UNC5D: variants seen among roughly 807,000 people sequenced by gnomAD.
UNC5D encodes the protein netrin receptor UNC5D.
A neutral mutation model predicts 105.4 loss-of-function variants in UNC5D; 39 were observed. The observed-to-expected ratio is 0.37, with a 90% confidence interval of 0.29 to 0.48. The LOEUF is 0.48. Among genes scored for constraint, UNC5D ranks in the 20% least tolerant of loss-of-function variants. The pLI, the probability that UNC5D is intolerant of heterozygous loss-of-function variation, is 0.98. For missense variants in UNC5D, 991 were observed against 1,202.4 expected, an observed-to-expected ratio of 0.82 and a Z score of 2.60; for synonymous variants, 452 against 450.4, an observed-to-expected ratio of 1.00 and a Z score of -0.04.
intron 2 of UNC5D, among the ~76,000 whole-genome samples, chr8:35,566,570 A>G (rs1367163596): frequency 6.6e-6 from 1 of 152,250 alleles, no homozygotes; most frequent in Non-Finnish European, 1.5e-5. Flanking sequence ...ACCTGAGCAT[A>G]GTGCTGGTTT....
intron 4 of UNC5D, among the ~76,000 whole-genome samples, chr8:35,614,598 A>G (rs997810270): frequency 6.6e-6 from 1 of 152,254 alleles, no homozygotes. Flanking sequence ...GTTAAACGCT[A>G]GTAATTAAGG....
intron 1 of UNC5D, among the ~76,000 whole-genome samples, chr8:35,341,446 T>A (rs1432754095): frequency 2.0e-5 from 3 of 151,944 alleles, no homozygotes; most frequent in Non-Finnish European, 4.4e-5. Flanking sequence ...CTTGTTTTTT[T>A]TTTTTCTGTT....
chr8:35,762,114 A>C (rs1185582815), intron 14 of UNC5D, among the ~76,000 whole-genome samples: 1 of 152,148 alleles, frequency 6.6e-6, no homozygotes, highest in Non-Finnish European at 1.5e-5. Flanking sequence ...TATTACAATT[A>C]GTACCAAACC....
chr8:35,637,123 C>A (rs540189857), intron 4 of UNC5D, among the ~76,000 whole-genome samples: 1 of 152,276 alleles, frequency 6.6e-6, no homozygotes, highest in East Asian at 1.9e-4. Context: ...GGTGCAATCA[C>A]CAGTTTCCTA....
intron 9 of UNC5D, among the ~76,000 whole-genome samples, chr8:35,725,671 C>G (rs542939604): frequency 1.7e-3 from 266 of 152,184 alleles, no homozygotes; most frequent in African/African-American, 6.1e-3. Context: ...GCACTGGAAC[C>G]GATGTAGCTT....
rs566433436 is a variant in UNC5D at position 35,724,831 on chromosome 8, G to A, written c.1304-1321G>A. ...TTTGGTCCTGCTTCTTTCCTGGGAA[G>A]ACCATAAACAGGAGCAAAGTGGTCA... On this transcript the variant is annotated intron_variant, in intron 9 of 16. Transcript: ENST00000404895. Among the ~76,000 whole-genome samples, 8 of 152,274 alleles carry A rather than the reference G, an allele frequency of 5.3e-5. No homozygotes were observed. The South Asian group carries it at 1.2e-3, about 24-fold the overall frequency.
chr8:35,281,791 A>G (rs919456926), intron 1 of UNC5D, among the ~76,000 whole-genome samples: 12 of 152,144 alleles, frequency 7.9e-5, no homozygotes, highest in African/African-American at 2.7e-4. Flanking sequence ...TGCCTTTGAT[A>G]CTTCTAAGCA....
chr8:35,368,806 G>T (rs895670424), intron 1 of UNC5D, among the ~76,000 whole-genome samples: 1 of 151,952 alleles, frequency 6.6e-6, no homozygotes, highest in Non-Finnish European at 1.5e-5. Context: ...ACAGTAGAAA[G>T]CTTCCTCTCT....
chr8:35,298,081 C>T (rs1807636515), intron 1 of UNC5D, among the ~76,000 whole-genome samples: 1 of 152,186 alleles, frequency 6.6e-6, no homozygotes, highest in Admixed American at 6.5e-5. Context: ...CCTGCTCACC[C>T]ACAGGGACTT....
chr8:35,249,003 A>ATATATAATATATATTATATATGTT (rs1803473891), intron 1 of UNC5D, among the ~76,000 whole-genome samples: 2 of 74,808 alleles, frequency 2.7e-5, no homozygotes, highest in Non-Finnish European at 4.8e-5. Flanking sequence ...ATATATAAAC[A>ATATATAATATATATTATATATGTT]TATATAATAT....
At chr8:35,273,361 A>G (rs1369997676) in intron 1 of UNC5D, among the ~76,000 whole-genome samples, 2 of 152,212 alleles carry the variant, frequency 1.3e-5, no homozygotes, top group African/African-American at 4.8e-5. Flanking sequence ...ACTGTGAAGA[A>G]ATAGATAGGT....
At chr8:35,461,020 TGAA>T (rs369105233) in intron 1 of UNC5D, among the ~76,000 whole-genome samples, 326 of 152,348 alleles carry the variant, frequency 2.1e-3, no homozygotes, top group African/African-American at 5.9e-3. Context: ...TTTAGGCAAA[TGAA>T]GAAGATTTCA....
At chr8:35,615,100 A>T (rs921197370) in intron 4 of UNC5D, among the ~76,000 whole-genome samples, 2 of 139,478 alleles carry the variant, frequency 1.4e-5, no homozygotes, top group African/African-American at 5.5e-5. Context: ...ATTAGCTGGC[A>T]TGGTGGCGCA....
At chr8:35,533,078 C>T (rs981003121) in intron 1 of UNC5D, among the ~76,000 whole-genome samples, 2 of 151,270 alleles carry the variant, frequency 1.3e-5, no homozygotes, top group African/African-American at 2.4e-5. Context: ...AGCTTTGTTC[C>T]GTTGCTGGTG....
intron 1 of UNC5D, among the ~76,000 whole-genome samples, chr8:35,388,097 G>T (rs1450847481): frequency 6.6e-6 from 1 of 151,976 alleles, no homozygotes; most frequent in Non-Finnish European, 1.5e-5. Flanking sequence ...GTCTTGGTGG[G>T]GTGCGGTGGC....
intron 1 of UNC5D, among the ~76,000 whole-genome samples, chr8:35,315,281 G>T (rs1809202355): frequency 6.6e-6 from 1 of 152,140 alleles, no homozygotes; most frequent in South Asian, 2.1e-4. Context: ...TTGCTCTTGA[G>T]TCTAGGAATC....
chr8:35,321,478 G>A (rs1809737251), intron 1 of UNC5D, among the ~76,000 whole-genome samples: 1 of 152,138 alleles, frequency 6.6e-6, no homozygotes, highest in Non-Finnish European at 1.5e-5. Flanking sequence ...TCCTTCTGCT[G>A]CCTTGTGGAG....
intron 6 of UNC5D, among the ~76,000 whole-genome samples, chr8:35,685,786 G>A (rs1009305510): frequency 2.0e-5 from 3 of 152,158 alleles, no homozygotes; most frequent in Non-Finnish European, 4.4e-5. Flanking sequence ...CAAGGACTCA[G>A]ACATTTTGCT....
chr8:35,576,770 G>T (rs1170958223), intron 3 of UNC5D, among the ~76,000 whole-genome samples: 1 of 152,012 alleles, frequency 6.6e-6, no homozygotes, highest in Non-Finnish European at 1.5e-5. Context: ...CTGCCACCAG[G>T]CCCAGCTAAC....
Sources: allele counts gnomAD v4.1 joint callset (sites outside exome capture counted in the v4.1 genomes callset), GRCh38; gene constraint gnomAD v4.1.1; transcripts MANE v1.5; gene names NCBI Gene and HGNC (gene_info 2026-07-23, HGNC 2026-07-21).